Variants in OGG1 observed in about 807,000 individuals in gnomAD.
OGG1 encodes 8-oxoguanine DNA glycosylase, also known as N-glycosylase/DNA lyase.
In OGG1, 35 loss-of-function variants were observed where a neutral mutation model predicts 42.3. That is an observed-to-expected ratio of 0.83 (90% CI 0.63 to 1.10). The LOEUF is 1.10. Among genes scored for constraint, OGG1 ranks in the 50% least tolerant of loss-of-function variants. The pLI, the probability that OGG1 is intolerant of heterozygous loss-of-function variation, is 0.00. For synonymous variants in OGG1, 189 were observed against 179.0 expected (o/e 1.06, Z -0.44); for missense variants, 484 against 446.7 (o/e 1.08, Z -0.75).
At chr3:9,780,202 A>T in intron 2 of OGG1, 1 of 715,120 alleles carries the variant, frequency 1.4e-6, no homozygotes, top group Non-Finnish European at 2.3e-6. Context: ...GTACAGAGCT[A>T]GGCCAAAAGA....
intron 7 of OGG1, among the ~76,000 whole-genome samples, chr3:9,764,616 TGTTTTTTTTTTG>T (rs2078054703): frequency 7.7e-6 from 1 of 130,500 alleles, no homozygotes; most frequent in Non-Finnish European, 1.6e-5. Context: ...CTGGCGTTTT[TGTTTTTTTTTTG>T]TTTTTTTTTT....
rs565674480 is a variant in OGG1, at chr3:9,787,797, G to A, written c.*66G>A. 39 of 1,024,550 alleles carry A rather than the reference G, an allele frequency of 3.8e-5. No homozygotes were observed. The East Asian group carries it at 1.4e-3, about 37-fold the overall frequency. 63.5% of individuals were successfully genotyped at this position (1,024,550 alleles called of 1,614,324 possible). On this transcript the variant is annotated 3_prime_UTR_variant, in exon 4 of 4. Transcript: ENST00000426518. ...CAAAGTGTTGTGGCAGCACAAAGGA[G>A]AGACTGACTAACTTTCTGCTGGGGA...
rs1449817463 is a variant in OGG1 at position 9,784,069 on chromosome 3, T to G, written c.382+2469T>G. 6 of 1,614,158 alleles carry G rather than the reference T, an allele frequency of 3.7e-6. No individual in the cohort carries two copies. In the Admixed American group the frequency reaches 1.0e-4, roughly 27 times the overall value. On this transcript the variant is annotated intron_variant, in intron 3 of 3. Transcript: ENST00000426518. ...TCTTGGTGCGGTTGTGGGCACTAAG[T>G]GCCTTCAGCTCAGCCTGCCGTTTGC...
chr3:9,783,804 AAATC>A lies in OGG1; in HGVS notation c.382+2209_382+2212del, dbSNP rs1427338510. ...AAAAAAAACAAAACAAAAACAAATC[AAATC>A]AATCGGTCAGTCACAGATGCCTGAG... On this transcript the variant is annotated intron_variant, in intron 3 of 3. Transcript: ENST00000426518. 3 of 755,590 alleles carry A rather than the reference AAATC, an allele frequency of 4.0e-6. No homozygotes were observed. The Admixed American group carries it at 1.1e-4, about 28-fold the overall frequency. 46.8% of individuals were successfully genotyped at this position (755,590 alleles called of 1,614,324 possible).
At chr3:9,787,778 G>C (rs972846960) in exon 4 of OGG1, 2 of 1,175,492 alleles carry the variant, frequency 1.7e-6, no homozygotes, top group Middle Eastern at 2.2e-4. Context: ...AGATCAAAGT[G>C]TTGTGGCAGC....
At position 9,750,006 on chromosome 3, in the gene OGG1, C is replaced by T. The variant is rs1035700592; in HGVS notation, c.-281C>T. 6 of 502,450 alleles carry T rather than the reference C, an allele frequency of 1.2e-5. No homozygotes were observed. Among genetic ancestry groups the T allele is most frequent in the Middle Eastern group, 5.3e-4 (1 of 1,890 alleles). 31.1% of individuals were successfully genotyped at this position (502,450 alleles called of 1,614,324 possible). A position where few individuals can be genotyped will look rare whatever the true frequency, so the allele number is the denominator to read the frequency against. On this transcript the variant is annotated 5_prime_UTR_variant, in exon 1 of 7. Transcript: ENST00000344629. ...CCAGAAGAACACAGCTGTGCGCGCCCACAGGCTCTGGGGGCGGGAGAAGAT... is the reference window on the plus strand; with the variant it reads ...CCAGAAGAACACAGCTGTGCGCGCCTACAGGCTCTGGGGGCGGGAGAAGAT...
At position 9,751,791 on chromosome 3, in the gene OGG1, A is replaced by T; in HGVS notation, c.407A>T (p.Asp136Val). 6.2e-7 allele frequency: 1 copy of T among 1,613,944 alleles called. No homozygotes were observed. The highest frequency in any genetic ancestry group is 1.1e-5 in the South Asian group (1 of 91,058). Residue 136 changes from aspartate (D) to valine (V), a missense_variant, in exon 3 of 7, where the codon GAC becomes GTC. Transcript: ENST00000344629. The stretch of plus-strand genomic sequence containing the variant: ...CCAGGTGTGCGACTGCTGCGACAAG[A>T]CCCCATCGAATGCCTTTTCTCTTTT... ...KFQGVRLLRQ[D>V]PIECLFSFIC... is the part of the protein sequence containing the mutation.
exon 8 of OGG1, chr3:9,765,995 G>T: frequency 6.2e-7 from 1 of 1,614,180 alleles, no homozygotes; most frequent in Non-Finnish European, 8.5e-7. Context: ...GACCAAGGAC[G>T]TGGATGACCC....
At chr3:9,770,599 A>G (rs528208631), downstream of OGG1, among the ~76,000 whole-genome samples, 6 of 152,050 alleles carry the variant, frequency 3.9e-5, no homozygotes, top group South Asian at 1.2e-3. Flanking sequence ...ATTGGGGAGG[A>G]GGAAGTTAAA....
chr3:9,771,359 A>G (rs1186592111), downstream of OGG1, among the ~76,000 whole-genome samples: 1 of 152,190 alleles, frequency 6.6e-6, no homozygotes, highest in Non-Finnish European at 1.5e-5. Context: ...TGAGAGAGGA[A>G]GATAGCTGAG....
chr3:9,771,403 TG>T (rs2078296292), downstream of OGG1, among the ~76,000 whole-genome samples: 1 of 152,202 alleles, frequency 6.6e-6, no homozygotes, highest in African/African-American at 2.4e-5. Context: ...TAACTGATCC[TG>T]GTCATGCTTT....
intron 3 of OGG1, among the ~76,000 whole-genome samples, chr3:9,784,513 C>G (rs985482707): frequency 3.3e-5 from 5 of 151,804 alleles, no homozygotes; most frequent in African/African-American, 7.3e-5. Context: ...ATATATTATT[C>G]CTAATCTTTT....
At chr3:9,789,477 G>A (rs370806835), downstream of OGG1, 12 of 1,586,584 alleles carry the variant, frequency 7.6e-6, no homozygotes, top group African/African-American at 6.7e-5. Context: ...CTCTTGTTCC[G>A]CATCATGTCT....
intron 2 of OGG1, among the ~76,000 whole-genome samples, chr3:9,777,963 C>T (rs1452060065): frequency 6.6e-6 from 1 of 152,078 alleles, no homozygotes; most frequent in Non-Finnish European, 1.5e-5. Flanking sequence ...GGAGTGGGGC[C>T]CCAGTGAGTT....
downstream of OGG1, among the ~76,000 whole-genome samples, chr3:9,767,247 C>T (rs1403884336): frequency 3.3e-5 from 5 of 152,198 alleles, no homozygotes; most frequent in African/African-American, 1.2e-4. Flanking sequence ...GAGCACAGCA[C>T]ACACCCTGTT....
At chr3:9,759,277 A>C, downstream of OGG1, 1 of 1,613,202 alleles carries the variant, frequency 6.2e-7, no homozygotes. Flanking sequence ...TTCTTCCTCT[A>C]GACTTGGAGG....
chr3:9,761,259 G>C (rs550371767), downstream of OGG1: 3 of 570,746 alleles, frequency 5.3e-6, no homozygotes, highest in Non-Finnish European at 6.1e-6. Flanking sequence ...TTTGTGCTGT[G>C]CTAAATTTAC....
At chr3:9,781,117 G>A (rs773139512) in intron 2 of OGG1, among the ~76,000 whole-genome samples, 50 of 151,908 alleles carry the variant, frequency 3.3e-4, no homozygotes, top group Non-Finnish European at 5.9e-4. Flanking sequence ...GCAACAGAGC[G>A]TGACTGTGTC....
chr3:9,750,320 G>A lies in OGG1; in HGVS notation c.34G>A (p.Gly12Arg), dbSNP rs1295140699. ...PARALLPRRMGHRTLASTPAL... is the reference protein window; with the variant it reads ...PARALLPRRMRHRTLASTPAL... ...CCGCGCGCTTCTGCCCAGGCGCATG[G>A]GGCATCGTACTCTAGCCTCCACTCC... The change falls in exon 1 of 7, where the codon GGG (glycine) becomes AGG (arginine). Residue 12 changes from glycine to arginine, a missense_variant. Coordinates refer to ENST00000344629, the MANE Select transcript of OGG1 (RefSeq NM_002542.6). 6.2e-7 allele frequency: 1 copy of A among 1,613,640 alleles called. No homozygotes were observed. Among genetic ancestry groups the A allele is most frequent in the South Asian group, 1.1e-5 (1 of 91,074 alleles).
Sources: gnomAD v4.1 joint callset for allele counts (sites outside exome capture counted in the v4.1 genomes callset) on GRCh38, gnomAD v4.1.1 for gene constraint, MANE v1.5 for transcripts, NCBI Gene and HGNC (gene_info 2026-07-23, HGNC 2026-07-21) for gene names.